The following DHRS4L2 variants were observed in gnomAD, a reference collection of about 807,000 sequenced individuals.
The protein encoded by DHRS4L2 is dehydrogenase/reductase SDR family member 4-like 2.
A neutral mutation model predicts 23.9 loss-of-function variants in DHRS4L2; 22 were observed. The ratio of observed to expected loss-of-function variants is 0.92; its 90% confidence interval spans 0.66 to 1.31. The LOEUF (loss-of-function observed/expected upper bound fraction) is 1.31, where lower values mean the gene tolerates loss of function less well. Among genes scored for constraint, DHRS4L2 ranks in the 40% most tolerant of loss-of-function variants. The probability of loss-of-function intolerance (pLI) is 0.00; values close to 1 mark genes in which losing one functional copy is unlikely to be tolerated. For synonymous variants in DHRS4L2, 141 were observed against 123.7 expected, an observed-to-expected ratio of 1.14 and a Z score of -0.93; for missense variants, 385 against 303.3, an observed-to-expected ratio of 1.27 and a Z score of -2.00.
At chr14:23,975,570 G>GA (rs1182281323) in intron 1 of DHRS4L2, among the ~76,000 whole-genome samples, 1 of 151,604 alleles carries the variant, frequency 6.6e-6, no homozygotes, top group East Asian at 1.9e-4. Context: ...CACAGAATTG[G>GA]AAAAAACTAC....
chr14:23,972,176 C>T (rs903748685), intron 1 of DHRS4L2, among the ~76,000 whole-genome samples: 12 of 152,058 alleles, frequency 7.9e-5, no homozygotes, highest in Admixed American at 4.6e-4. Context: ...AATGAAGCTG[C>T]GGACCCTCGC....
chr14:24,001,949 T>G (rs1428180261), intron 6 of DHRS4L2, among the ~76,000 whole-genome samples: 2 of 41,362 alleles, frequency 4.8e-5, no homozygotes. Flanking sequence ...ATTCTTCACT[T>G]TCCTCTTCTT....
At chr14:23,976,342 A>T (rs2033963518) in intron 1 of DHRS4L2, among the ~76,000 whole-genome samples, 1 of 152,006 alleles carries the variant, frequency 6.6e-6, no homozygotes, top group South Asian at 2.1e-4. Flanking sequence ...CAGCCAACAG[A>T]CATATGAATA....
At chr14:23,988,872 C>T, upstream of DHRS4L2, 6 of 1,553,916 alleles carry the variant, frequency 3.9e-6, no homozygotes, top group South Asian at 2.4e-5. Context: ...AAGCGGCCCG[C>T]CCTTCGTCCT....
intron 1 of DHRS4L2, among the ~76,000 whole-genome samples, chr14:23,983,483 A>C (rs970825922): frequency 2.0e-5 from 3 of 151,656 alleles, no homozygotes; most frequent in African/African-American, 7.3e-5. Flanking sequence ...CCATTCCTCA[A>C]AGACCTATAA....
chr14:23,982,801 T>G (rs979610502), intron 1 of DHRS4L2, among the ~76,000 whole-genome samples: 1 of 151,468 alleles, frequency 6.6e-6, no homozygotes, highest in Middle Eastern at 3.2e-3. Flanking sequence ...ACAAAAAAAC[T>G]GAAACTGGAC....
chr14:23,983,218 C>G lies in DHRS4L2; in HGVS notation c.-175-6964C>G, dbSNP rs1378462542. Among the ~76,000 whole-genome samples, 10 of 151,664 alleles carry G rather than the reference C, an allele frequency of 6.6e-5. 1 individual carries two copies. The highest frequency in any genetic ancestry group is 1.5e-4 in the African/African-American group (6 of 41,312). On this transcript the variant is annotated intron_variant, in intron 1 of 5. Coordinates refer to the DHRS4L2 transcript ENST00000534993. ...ACAAACAACCCCATCAAAAAGTGGGCTAAGGATGTGAACAGACACTTCTCA... is the reference window on the plus strand; with the variant it reads ...ACAAACAACCCCATCAAAAAGTGGGGTAAGGATGTGAACAGACACTTCTCA...
At chr14:23,984,823 AAAG>A (rs1158985968), upstream of DHRS4L2, among the ~76,000 whole-genome samples, 2 of 150,554 alleles carry the variant, frequency 1.3e-5, no homozygotes, top group African/African-American at 2.4e-5. Flanking sequence ...AAAAAAAAAA[AAAG>A]AATTTAAAAT....
intron 7 of DHRS4L2, 46 bp from the exon 8 acceptor site, chr14:24,005,840 G>A: frequency 6.2e-7 from 1 of 1,608,386 alleles, no homozygotes; most frequent in Non-Finnish European, 8.5e-7. Flanking sequence ...GAGGGAGGCA[G>A]ACCCGTTTGA....
chr14:23,987,534 A>C (rs1188618710), upstream of DHRS4L2, among the ~76,000 whole-genome samples: 13 of 151,766 alleles, frequency 8.6e-5, no homozygotes, highest in South Asian at 1.5e-3. Flanking sequence ...ACTGGATTTC[A>C]CAAACCAGGA....
At chr14:23,983,865 A>C (rs2034094607), upstream of DHRS4L2, among the ~76,000 whole-genome samples, 1 of 151,408 alleles carries the variant, frequency 6.6e-6, no homozygotes, top group Non-Finnish European at 1.5e-5. Flanking sequence ...GGAACATCAC[A>C]CACCAGGGCC....
At chr14:23,980,789 T>A (rs376754007) in intron 1 of DHRS4L2, among the ~76,000 whole-genome samples, 1 of 150,128 alleles carries the variant, frequency 6.7e-6, no homozygotes, top group Admixed American at 6.6e-5. Context: ...AAACTAGGTA[T>A]TGATAGAACG....
chr14:23,991,953 C>T (rs2034279096), intron 2 of DHRS4L2, among the ~76,000 whole-genome samples: 1 of 151,434 alleles, frequency 6.6e-6, no homozygotes, highest in Non-Finnish European at 1.5e-5. Context: ...CCAGGCTGGT[C>T]TTGAACTCCT....
At chr14:23,993,365 C>A (rs1397853221) in intron 2 of DHRS4L2, among the ~76,000 whole-genome samples, 12 of 151,672 alleles carry the variant, frequency 7.9e-5, no homozygotes, top group Admixed American at 6.6e-4. Context: ...GCATTCCTTC[C>A]ACTGTCTAGA....
At chr14:23,999,367 A>C (rs8004592) in intron 3 of DHRS4L2, among the ~76,000 whole-genome samples, 20,283 of 116,438 alleles carry the variant, frequency 0.17, 1,792 homozygotes, top group East Asian at 0.4. Flanking sequence ...AAAAAAAAAA[A>C]AAAAAAACAA....
At chr14:23,976,369 G>C (rs906101748) in intron 1 of DHRS4L2, among the ~76,000 whole-genome samples, 1 of 151,838 alleles carries the variant, frequency 6.6e-6, no homozygotes, top group African/African-American at 2.4e-5. Flanking sequence ...CATCATCACT[G>C]GTCATCAGAG....
At chr14:24,005,779 A>C (rs2034562755) in intron 7 of DHRS4L2, 107 bp from the exon 8 acceptor site, 1 of 1,547,290 alleles carries the variant, frequency 6.5e-7, no homozygotes, top group South Asian at 1.2e-5. Flanking sequence ...GATCCTGAAA[A>C]GTCATCTGAT....
chr14:24,005,787 G>T, intron 7 of DHRS4L2, 99 bp from the exon 8 acceptor site: 1 of 1,551,634 alleles, frequency 6.4e-7, no homozygotes, highest in African/African-American at 1.4e-5. Context: ...AAAGTCATCT[G>T]ATAATTCTTG....
At chr14:23,992,015 G>T (rs533476876) in intron 2 of DHRS4L2, among the ~76,000 whole-genome samples, 1 of 151,478 alleles carries the variant, frequency 6.6e-6, no homozygotes, top group South Asian at 2.1e-4. Flanking sequence ...GATTACAGGC[G>T]TGAGCCACTG....
Sources: gnomAD v4.1 joint callset for allele counts (sites outside exome capture counted in the v4.1 genomes callset) on GRCh38, gnomAD v4.1.1 for gene constraint, MANE v1.5 for transcripts, NCBI Gene and HGNC (gene_info 2026-07-23, HGNC 2026-07-21) for gene names.